FLG: variants seen among roughly 807,000 people sequenced by gnomAD.
FLG encodes the protein epidermal filaggrin.
In FLG, 6 loss-of-function variants were observed where a neutral mutation model predicts 3.8. The observed-to-expected ratio is 1.60, with a 90% confidence interval of 0.87 to 3.15. The LOEUF is 3.15. FLG is among the 30% of genes most tolerant of loss of function. The pLI is 0.00. For missense variants in FLG, 7,595 were observed against 5,050.9 expected (o/e 1.50, Z -15.27); for synonymous variants, 2,551 against 1,931.6 (o/e 1.32, Z -8.41).
rs1433626380 is a variant in FLG at position 152,304,840 on chromosome 1, T to A, written c.10046A>T (p.Glu3349Val). 6.2e-7 allele frequency: 1 copy of A among 1,613,860 alleles called. No homozygotes were observed. Among genetic ancestry groups the A allele is most frequent in the South Asian group, 1.1e-5 (1 of 91,014 alleles). Reference protein sequence around the residue: ...QASDSEGHSEESDTQSVSGHG... With the variant: ...QASDSEGHSEVSDTQSVSGHG... ...GCCTGACACTGACTGTGTGTCTGAC[T>A]CTTCTGAATGTCCCTCACTATCACT... Residue 3349 changes from glutamate to valine, a missense_variant, in exon 3 of 3, where the codon GAG (glutamate) becomes GTG (valine). Glu to Val is a moderately radical substitution (Grantham distance 121). Transcript: ENST00000368799.
In FLG at chr1:152,310,547, A is replaced by T. The variant is rs368302261; in HGVS notation, c.4339T>A (p.Ser1447Thr). The T allele has an allele frequency of 5.3e-5, 86 of 1,613,296 alleles. 1 individual carries two copies. Among genetic ancestry groups the T allele is most frequent in the Middle Eastern group, 1.6e-4 (1 of 6,084 alleles). Residue 1447 changes from serine (S) to threonine (T), a missense_variant, in exon 3 of 3, where the codon TCT (serine) becomes ACT (threonine). By Grantham distance (58) the Ser-to-Thr change is moderately conservative. Coordinates refer to ENST00000368799, the MANE Select transcript of FLG (RefSeq NM_002016.2). ...RSRSFLYQVS[S>T]HEQSESTHGQ... ...TGTGTGGACTCAGACTGTTCATGAG[A>T]GCTCACCTGGTAGAGGAAAGACCTT...
Position 152,314,503 on chromosome 1 carries a change from A to T in FLG, c.383T>A (p.Leu128Gln), listed in dbSNP as rs1652700236. 1.2e-6 allele frequency: 2 copies of T among 1,611,550 alleles called. No homozygotes were observed. Among genetic ancestry groups the T allele is most frequent in the Non-Finnish European group, 8.5e-7 (1 of 1,179,454 alleles). Residue 128 changes from leucine (L) to glutamine (Q), a missense_variant, in exon 3 of 3, where the codon CTG becomes CAG. Transcript: ENST00000368799. ...NKENRKRPSS[L>Q]ERRNNRKGNK... ...CCCTTTTCTATTGTTTCTTCTTTCC[A>T]GACTTGAGGGTCTTTTTCTGTTTTC...
chr1:152,314,455 G>T lies in FLG; in HGVS notation c.431C>A (p.Pro144Gln). Residue 144 changes from proline to glutamine, a missense_variant, in exon 3 of 3, where the codon CCA (proline) becomes CAA (glutamine). Pro to Gln is a moderately conservative substitution (Grantham distance 76). Transcript: ENST00000368799. Reference protein sequence around the residue: ...RKGNKGRSKSPRETGGKRHES... With the variant: ...RKGNKGRSKSQRETGGKRHES... ...ATGCCTTTTCCCCCCTGTTTCTCTT[G>T]GGCTCTTGGATCTTCCCTTATTCCC... 6.2e-7 allele frequency: 1 copy of T among 1,611,258 alleles called. No homozygotes were observed.
Position 152,304,984 on chromosome 1 carries a change from C to T in FLG, c.9902G>A (p.Arg3301Lys). ...HEQARSSPGE[R>K]HGSRHQQSAD... ...TGACTGCTGGTGGCGGGATCCGTGT[C>T]TCTCTCCTGGACTTGATCTTGCCTG... Residue 3301 changes from arginine to lysine, a missense_variant, in exon 3 of 3, where the codon AGA becomes AAA. Physicochemically the swap from Arg to Lys is conservative, Grantham distance 26 (BLOSUM62 2). Transcript: ENST00000368799. 1 of 1,613,916 alleles carries T rather than the reference C, an allele frequency of 6.2e-7. No individual in the cohort carries two copies. Among genetic ancestry groups the T allele is most frequent in the Non-Finnish European group, 8.5e-7 (1 of 1,180,000 alleles).
chr1:152,311,231 G>A lies in FLG; in HGVS notation c.3655C>T (p.Gln1219Ter), dbSNP rs377680686. 6.2e-7 allele frequency: 1 copy of A among 1,613,662 alleles called. No homozygotes were observed. The highest frequency in any genetic ancestry group is 8.5e-7 in the Non-Finnish European group (1 of 1,179,912). ...GQSGSRSASR[Q>*]TRKDKQSGDG... Reference sequence around the variant, plus strand: ...CCTGATTGTTTGTCCTTACGAGTTTGTCTGCTTGCACTTCTGGATCCTGAC... The same window carrying A: ...CCTGATTGTTTGTCCTTACGAGTTTATCTGCTTGCACTTCTGGATCCTGAC... The change falls in exon 3 of 3, where the codon CAA becomes TAA. Residue 1219 changes from glutamine to a stop codon, truncating the protein, a stop_gained. Coordinates refer to ENST00000368799, the MANE Select transcript of FLG (RefSeq NM_002016.2). LOFTEE classifies it low-confidence loss of function (END_TRUNC).
rs748860399 is a variant in FLG at position 152,312,054 on chromosome 1, G to T, written c.2832C>A (p.Ser944=). ...EGSRTSRRQG[S]SVSQDSDSEG... is the part of the protein sequence containing the mutation. ...CACTGTCACTGTCCTGGCTAACACT[G>T]GATCCCTGGCGCCTGCTTGTCCTGG... is the stretch of plus-strand genomic sequence containing the variant. The change falls in exon 3 of 3, where the codon TCC becomes TCA. Residue 944 remains serine (S), a synonymous_variant. Transcript: ENST00000368799. 4.3e-6 allele frequency: 7 copies of T among 1,614,098 alleles called. No individual in the cohort carries two copies. The highest frequency in any genetic ancestry group is 5.9e-6 in the Non-Finnish European group (7 of 1,180,026).
In FLG at chr1:152,307,266, C is replaced by T. The variant is rs559407188; in HGVS notation, c.7620G>A (p.Arg2540=). 2.6e-5 allele frequency: 41 copies of T among 1,606,892 alleles called. No homozygotes were observed. Among genetic ancestry groups the T allele is most frequent in the Non-Finnish European group, 3.5e-5 (41 of 1,179,834 alleles). Reference sequence around the variant, plus strand: ...CCTGCGAGTGTCCAGAGCTGTCGGCCCGAGAGGAAGCTTCATGGTGACGCG... The same window carrying T: ...CCTGCGAGTGTCCAGAGCTGTCGGCTCGAGAGGAAGCTTCATGGTGACGCG... ...SGSRHHEASS[R]ADSSGHSQVG... The change falls in exon 3 of 3, where the codon CGG becomes CGA. Residue 2540 remains arginine, a synonymous_variant. Transcript: ENST00000368799.
In FLG at chr1:152,313,784, G is replaced by T. The variant is rs746899204; in HGVS notation, c.1102C>A (p.Gln368Lys). The change falls in exon 3 of 3, where the codon CAG (glutamine) becomes AAG (lysine). Residue 368 changes from glutamine (Q) to lysine (K), a missense_variant. Transcript: ENST00000368799. Reference sequence around the variant, plus strand: ...GCCTGTTCATGGGATGATGCAGTCTGTCCACGAGAGGAAGTCTCTGCGTGA... The same window carrying T: ...GCCTGTTCATGGGATGATGCAGTCTTTCCACGAGAGGAAGTCTCTGCGTGA... ...TRHAETSSRG[Q>K]TASSHEQARS... 2.5e-6 allele frequency: 4 copies of T among 1,613,974 alleles called. No homozygotes were observed. Among genetic ancestry groups the T allele is most frequent in the Non-Finnish European group, 3.4e-6 (4 of 1,180,020 alleles).
chr1:152,311,557 C>G lies in FLG; in HGVS notation c.3329G>C (p.Arg1110Thr), dbSNP rs772658745. ...GATGAAAGACCCTGAACGTCCAGAC[C>G]TTCCCCCTGACCAGTCACGTGCGGA... Reference protein sequence around the residue: ...QESARDWSGGRSGRSGSFIYQ... With the variant: ...QESARDWSGGTSGRSGSFIYQ... The change falls in exon 3 of 3, where the codon AGG (arginine) becomes ACG (threonine). Residue 1110 changes from arginine (R) to threonine (T), a missense_variant. Physicochemically the swap from Arg to Thr is moderately conservative, Grantham distance 71 (BLOSUM62 -1). Transcript: ENST00000368799. 8 of 1,613,834 alleles carry G rather than the reference C, an allele frequency of 5.0e-6. No individual in the cohort carries two copies. Among genetic ancestry groups the G allele is most frequent in the Non-Finnish European group, 5.9e-6 (7 of 1,179,996 alleles).
rs1359708714 is a variant in FLG, at chr1:152,308,419, T to A, written c.6467A>T (p.Gln2156Leu). ...RGGRQGSHQE[Q>L]SVDRSGHSGS... ...TGAGTGTCCAGACCTATCTACCGAT[T>A]GCTCTTGGTGGGACCCCTGTCTTCC... Residue 2156 changes from glutamine (Q) to leucine (L), a missense_variant, in exon 3 of 3, where the codon CAA becomes CTA. Physicochemically the swap from Gln to Leu is moderately radical, Grantham distance 113. Transcript: ENST00000368799. The A allele has an allele frequency of 6.2e-7, 1 of 1,613,898 alleles. No individual in the cohort carries two copies. The highest frequency in any genetic ancestry group is 2.2e-5 in the East Asian group (1 of 44,870).
intron 2 of FLG, chr1:152,315,043 T>C (rs1652727979): frequency 2.4e-6 from 1 of 408,594 alleles, no homozygotes; most frequent in Non-Finnish European, 4.3e-6. Context: ...CCCTTAGTAA[T>C]GTTGATGTTT....
Position 152,310,023 on chromosome 1 carries a change from A to G in FLG, c.4863T>C (p.Ser1621=). The G allele has an allele frequency of 6.2e-7, 1 of 1,613,904 alleles. No homozygotes were observed. The highest frequency in any genetic ancestry group is 1.1e-5 in the South Asian group (1 of 91,062). Reference sequence around the variant, plus strand: ...AGCCATGTCTTGACTGCTCCCGAGCAGATCCATAATGGTTTCTGGAAGCCG... The same window carrying G: ...AGCCATGTCTTGACTGCTCCCGAGCGGATCCATAATGGTTTCTGGAAGCCG... ...SESASRNHYG[S]AREQSRHGSR... is the part of the protein sequence containing the mutation. Residue 1621 remains serine, a synonymous_variant, in exon 3 of 3, where the codon TCT becomes TCC. Coordinates refer to ENST00000368799, the MANE Select transcript of FLG (RefSeq NM_002016.2).
Position 152,310,339 on chromosome 1 carries a change from C to T in FLG, c.4547G>A (p.Gly1516Glu). 4 of 1,613,838 alleles carry T rather than the reference C, an allele frequency of 2.5e-6. No individual in the cohort carries two copies. The highest frequency in any genetic ancestry group is 3.4e-6 in the Non-Finnish European group (4 of 1,179,972). ...EQSVDRSGHS[G>E]YHHSHTTPQG... is the part of the protein sequence containing the mutation. ...GGGTGTGGTGTGGCTGTGATGGTAC[C>T]CTGAGTGTCCAGACCTATCTACTGA... is the stretch of plus-strand genomic sequence containing the variant. Residue 1516 changes from glycine to glutamate, a missense_variant, in exon 3 of 3, where the codon GGG becomes GAG. Gly to Glu is a moderately conservative substitution (Grantham distance 98, BLOSUM62 -2). Transcript: ENST00000368799.
intron 1 of FLG, among the ~76,000 whole-genome samples, 165 bp downstream of exon 1, chr1:152,325,024 C>A (rs1653102909): frequency 6.6e-6 from 1 of 151,634 alleles, no homozygotes; most frequent in African/African-American, 2.4e-5. Context: ...AAATTTATGC[C>A]CTCATTTTCC....
In FLG at chr1:152,311,024, C is replaced by T. The variant is rs557235683; in HGVS notation, c.3862G>A (p.Gly1288Arg). The T allele has an allele frequency of 5.0e-6, 8 of 1,613,870 alleles. No individual in the cohort carries two copies. The Middle Eastern group carries it at 6.6e-4, about 133-fold the overall frequency. ...CCATGATGGTTTCTGGAAGCAGACC[C>T]AGACAACCTCTCGGAGTCGTCTGAG... ...RHSDDSERLSGSASRNHHGSS... is the reference protein window; with the variant it reads ...RHSDDSERLSRSASRNHHGSS... Residue 1288 changes from glycine to arginine, a missense_variant, in exon 3 of 3, where the codon GGG (glycine) becomes AGG (arginine). Transcript: ENST00000368799.
chr1:152,302,983 C>T lies in FLG; in HGVS notation c.11903G>A (p.Gly3968Asp), dbSNP rs753743484. 1 of 1,614,180 alleles carries T rather than the reference C, an allele frequency of 6.2e-7. No homozygotes were observed. Among genetic ancestry groups the T allele is most frequent in the South Asian group, 1.1e-5 (1 of 91,070 alleles). The change falls in exon 3 of 3, where the codon GGT (glycine) becomes GAT (aspartate). Residue 3968 changes from glycine (G) to aspartate (D), a missense_variant. Transcript: ENST00000368799. The part of the protein sequence containing the change: ...YQSEGTERQK[G>D]QSGLVWRHGS... ...ATGTCTCCAAACTAAACCTGATTGA[C>T]CTTTTTGCCTTTCAGTGCCCTCAGA... is the stretch of plus-strand genomic sequence containing the variant.
At chr1:152,322,620 A>G (rs1200287619) in intron 1 of FLG, among the ~76,000 whole-genome samples, 1 of 151,250 alleles carries the variant, frequency 6.6e-6, no homozygotes, top group Non-Finnish European at 1.5e-5. Flanking sequence ...AAAATGAAAT[A>G]GGAAAGGAGG....
At position 152,310,058 on chromosome 1, in the gene FLG, G is replaced by A. The variant is rs560805546; in HGVS notation, c.4828C>T (p.Arg1610Trp). ...SEGHSEDSER[R>W]SESASRNHYG... ...TGGTTTCTGGAAGCCGACTCAGACC[G>A]CCTCTCAGAGTCTTCTGAGTGTCCC... Residue 1610 changes from arginine to tryptophan, a missense_variant, in exon 3 of 3, where the codon CGG becomes TGG. Coordinates refer to ENST00000368799, the MANE Select transcript of FLG (RefSeq NM_002016.2). The A allele has an allele frequency of 1.1e-4, 182 of 1,613,680 alleles. 1 individual carries two copies. Among genetic ancestry groups the A allele is most frequent in the South Asian group, 3.2e-4 (29 of 91,062 alleles).
At position 152,311,575 on chromosome 1, in the gene FLG, C is replaced by T. The variant is rs138204922; in HGVS notation, c.3311G>A (p.Arg1104His). The T allele has an allele frequency of 9.8e-5, 158 of 1,614,070 alleles. 1 individual carries two copies. In the African/African-American group the frequency reaches 1.5e-3, roughly 15 times the overall value. The change falls in exon 3 of 3, where the codon CGT becomes CAT. Residue 1104 changes from arginine (R) to histidine (H), a missense_variant. Coordinates refer to ENST00000368799, the MANE Select transcript of FLG (RefSeq NM_002016.2). ...TCCAGACCTTCCCCCTGACCAGTCA[C>T]GTGCGGACTCTTGGTGGCTCTGCTG... ...PHQQSHQESA[R>H]DWSGGRSGRS...
Sources: allele counts gnomAD v4.1 joint callset (sites outside exome capture counted in the v4.1 genomes callset), GRCh38; gene constraint gnomAD v4.1.1; transcripts MANE v1.5; gene names NCBI Gene and HGNC (gene_info 2026-07-23, HGNC 2026-07-21).